Variants in TAFA5 observed in about 807,000 individuals in gnomAD.
TAFA5 encodes the protein chemokine-like protein TAFA-5.
TAFA5 carries 6 observed loss-of-function variants against 15.3 expected under a neutral mutation model. The ratio of observed to expected loss-of-function variants is 0.39; its 90% CI spans 0.21 to 0.77. TAFA5 has a LOEUF of 0.77. TAFA5 is among the 30% of genes least tolerant of loss of function. The pLI is 0.41. For missense variants in TAFA5, 161 were observed against 193.1 expected (o/e 0.83, Z 0.98); for synonymous variants, 103 against 80.7 (o/e 1.28, Z -1.48).
intron 1 of TAFA5, among the ~76,000 whole-genome samples, chr22:48,501,460 C>T (rs1038130771): frequency 2.6e-5 from 4 of 152,224 alleles, no homozygotes; most frequent in African/African-American, 9.6e-5. Context: ...ACTCGGGTGA[C>T]GGCCTCTGCT....
chr22:48,590,241 G>C (rs1158283379), intron 1 of TAFA5, among the ~76,000 whole-genome samples: 1 of 152,206 alleles, frequency 6.6e-6, no homozygotes, highest in Non-Finnish European at 1.5e-5. Flanking sequence ...GGAGATCGGG[G>C]TTGGGGTGGC....
At chr22:48,694,690 A>C (rs1362122310) in intron 2 of TAFA5, among the ~76,000 whole-genome samples, 1 of 152,064 alleles carries the variant, frequency 6.6e-6, no homozygotes, top group Non-Finnish European at 1.5e-5. Flanking sequence ...CCCGGGCCAC[A>C]GTGCCCTGGC....
intron 3 of TAFA5, among the ~76,000 whole-genome samples, chr22:48,716,529 G>A (rs542152017): frequency 3.3e-5 from 5 of 152,270 alleles, no homozygotes; most frequent in Non-Finnish European, 2.9e-5. Context: ...GAGGTGGGGG[G>A]CCAGGGGAGG....
chr22:48,682,722 A>G (rs566157287), intron 2 of TAFA5, among the ~76,000 whole-genome samples: 1 of 152,328 alleles, frequency 6.6e-6, no homozygotes, highest in South Asian at 2.1e-4. Context: ...CCAGAAGCAC[A>G]GTCATTGTCG....
intron 2 of TAFA5, among the ~76,000 whole-genome samples, chr22:48,703,556 C>T (rs1010141974): frequency 3.9e-5 from 6 of 152,236 alleles, no homozygotes; most frequent in East Asian, 1.9e-4. Flanking sequence ...CTAGCCTGAC[C>T]GAGAGGGCCC....
intron 1 of TAFA5, among the ~76,000 whole-genome samples, chr22:48,605,448 T>TGATGGTGATGAG (rs1925156854): frequency 1.3e-5 from 2 of 149,866 alleles, no homozygotes; most frequent in Non-Finnish European, 3.0e-5. Context: ...GTGGTGGTGA[T>TGATGGTGATGAG]GGCAATGGTG....
chr22:48,678,383 A>G (rs16999696), intron 2 of TAFA5, among the ~76,000 whole-genome samples: 4,690 of 152,306 alleles, frequency 0.031, 251 homozygotes, highest in African/African-American at 0.11. Flanking sequence ...ATGCGGGGCA[A>G]AGACACAGGC....
intron 3 of TAFA5, among the ~76,000 whole-genome samples, chr22:48,744,644 C>T (rs774535655): frequency 1.3e-5 from 2 of 152,208 alleles, no homozygotes; most frequent in African/African-American, 2.4e-5. Flanking sequence ...GTGTGCTCTT[C>T]CGGCGACACG....
chr22:48,654,407 C>T (rs1325430804), intron 2 of TAFA5, among the ~76,000 whole-genome samples: 3 of 152,206 alleles, frequency 2.0e-5, no homozygotes, highest in Non-Finnish European at 2.9e-5. Flanking sequence ...GGAAGGAGCA[C>T]GCCTGCTCCA....
At chr22:48,513,495 G>A (rs1441819857) in intron 1 of TAFA5, among the ~76,000 whole-genome samples, 1 of 152,150 alleles carries the variant, frequency 6.6e-6, no homozygotes, top group Admixed American at 6.5e-5. Flanking sequence ...GCGATTCCTG[G>A]GTGCCACCCC....
At position 48,667,677 on chromosome 22, in the gene TAFA5, C is replaced by T. The variant is rs181327518; in HGVS notation, c.262+20931C>T. On this transcript the variant is annotated intron_variant, in intron 2 of 3. Coordinates refer to ENST00000402357, the MANE Select transcript of TAFA5 (RefSeq NM_001082967.3). ...TGACTCCCCTGGCAAAAATAATCGG[C>T]TTCTGGCCACCAGGGCCACAGACTT... 1.4e-3 allele frequency among the ~76,000 whole-genome samples: 209 copies of T among 151,968 alleles called. 7 individuals are homozygous for T. The highest frequency in any genetic ancestry group is 0.01 in the Middle Eastern group (3 of 292).
intron 1 of TAFA5, among the ~76,000 whole-genome samples, chr22:48,519,680 C>T (rs1921536800): frequency 6.6e-6 from 1 of 152,264 alleles, no homozygotes; most frequent in South Asian, 2.1e-4. Context: ...GGGCAAATCG[C>T]GTTCTTCTTG....
chr22:48,721,416 A>G (rs2147261089), intron 3 of TAFA5, among the ~76,000 whole-genome samples: 1 of 152,278 alleles, frequency 6.6e-6, no homozygotes, highest in South Asian at 2.1e-4. Flanking sequence ...GTGTGATCTC[A>G]GGTCCTCACC....
chr22:48,547,347 A>G (rs1277643294), intron 1 of TAFA5: 1 of 152,216 alleles, frequency 6.6e-6, no homozygotes, highest in African/African-American at 2.4e-5. Context: ...CTTTGGAACA[A>G]TCAGGGGAGC....
intron 1 of TAFA5, among the ~76,000 whole-genome samples, chr22:48,492,219 TGAA>T (rs1262932913): frequency 4.6e-5 from 7 of 152,036 alleles, no homozygotes; most frequent in African/African-American, 1.7e-4. Context: ...AGATCTGGGA[TGAA>T]GAAGAATAGT....
chr22:48,644,899 C>T (rs900834849), intron 1 of TAFA5, among the ~76,000 whole-genome samples: 1 of 152,196 alleles, frequency 6.6e-6, no homozygotes, highest in African/African-American at 2.4e-5. Flanking sequence ...TTGTCCTGAG[C>T]CCCCCAGGCA....
At chr22:48,611,536 G>T (rs992959592) in intron 1 of TAFA5, among the ~76,000 whole-genome samples, 2 of 152,122 alleles carry the variant, frequency 1.3e-5, no homozygotes, top group African/African-American at 2.4e-5. Context: ...TTGGGGGCTC[G>T]GCCATGTGGA....
chr22:48,495,467 G>A (rs902114960), intron 1 of TAFA5, among the ~76,000 whole-genome samples: 6 of 152,080 alleles, frequency 3.9e-5, no homozygotes, highest in Non-Finnish European at 7.4e-5. Context: ...CAACCCAGCC[G>A]CCACCTCAGA....
intron 2 of TAFA5, chr22:48,693,437 G>C: frequency 6.2e-7 from 1 of 1,607,686 alleles, no homozygotes; most frequent in Non-Finnish European, 8.5e-7. Context: ...GTAAAGGAGG[G>C]ACTGCGACTC....
Sources: gnomAD v4.1 joint callset for allele counts (sites outside exome capture counted in the v4.1 genomes callset) on GRCh38, gnomAD v4.1.1 for gene constraint, MANE v1.5 for transcripts, NCBI Gene and HGNC (gene_info 2026-07-23, HGNC 2026-07-21) for gene names.